SCMH1: variants seen among roughly 807,000 people sequenced by gnomAD.
SCMH1 encodes the protein Scm polycomb group protein homolog 1, also known as polycomb protein SCMH1.
In SCMH1, 37 loss-of-function variants were observed where a neutral mutation model predicts 70.8. The ratio of observed to expected loss-of-function variants is 0.52; its 90% CI spans 0.40 to 0.69. The LOEUF (loss-of-function observed/expected upper bound fraction) is 0.69. SCMH1 is among the 30% of genes least tolerant of loss of function. SCMH1 has a pLI of 0.00. For missense variants in SCMH1, 607 were observed against 827.3 expected (o/e 0.73, Z 3.27); for synonymous variants, 292 against 307.4 (o/e 0.95, Z 0.52).
At chr1:41,091,038 CAA>C (rs71062575) in intron 8 of SCMH1, among the ~76,000 whole-genome samples, 3 of 119,898 alleles carry the variant, frequency 2.5e-5, no homozygotes, top group African/African-American at 6.4e-5. Context: ...GACTCCGTGT[CAA>C]AAAAAAAAAA....
intron 1 of SCMH1, among the ~76,000 whole-genome samples, chr1:41,201,654 T>C (rs938911906): frequency 6.6e-6 from 1 of 152,206 alleles, no homozygotes; most frequent in Admixed American, 6.5e-5. Flanking sequence ...ACAAGGGGCT[T>C]CCAGTGAAAT....
At chr1:41,084,603 T>A (rs1473025477) in intron 8 of SCMH1, among the ~76,000 whole-genome samples, 1 of 152,042 alleles carries the variant, frequency 6.6e-6, no homozygotes, top group African/African-American at 2.4e-5. Flanking sequence ...GAAATACCAT[T>A]TGACCCAGCC....
intron 2 of SCMH1, 187 bp from the exon 3 acceptor site, chr1:41,161,619 C>CA: frequency 1.9e-6 from 1 of 533,160 alleles, no homozygotes. Context: ...TTTACAATAA[C>CA]AAAAAAAGGA....
chr1:41,078,707 A>G (rs905269581), intron 8 of SCMH1, among the ~76,000 whole-genome samples: 1 of 152,198 alleles, frequency 6.6e-6, no homozygotes, highest in African/African-American at 2.4e-5. Flanking sequence ...TTCAGAAATA[A>G]AGGTAAAATA....
chr1:41,099,690 C>T (rs909429958), intron 8 of SCMH1, among the ~76,000 whole-genome samples: 12 of 152,162 alleles, frequency 7.9e-5, no homozygotes, highest in African/African-American at 2.9e-4. Flanking sequence ...AGTACTGTGT[C>T]TGACATGACC....
chr1:41,058,641 A>G (rs1050546746), intron 10 of SCMH1, among the ~76,000 whole-genome samples: 1 of 151,864 alleles, frequency 6.6e-6, no homozygotes, highest in East Asian at 1.9e-4. Context: ...CAGCCTTCCA[A>G]AGTGCTGGGA....
intron 1 of SCMH1, among the ~76,000 whole-genome samples, chr1:41,239,688 T>C (rs1663107698): frequency 1.3e-5 from 2 of 152,202 alleles, no homozygotes; most frequent in Admixed American, 6.5e-5. Context: ...TCACTTGCTA[T>C]GGCGTGATCA....
At chr1:41,169,897 C>T (rs112761170) in intron 2 of SCMH1, among the ~76,000 whole-genome samples, 12 of 151,598 alleles carry the variant, frequency 7.9e-5, no homozygotes, top group Admixed American at 2.0e-4. Flanking sequence ...AGGATGTAGA[C>T]CCTCGGTGGA....
rs1306027223 is a variant in SCMH1, at chr1:41,048,674, G to C, written c.1306+16C>G. On this transcript the variant is annotated intron_variant, in intron 11 of 14. Transcript: ENST00000337495. ...TCCTTCTGGCTGGGAGGCAATATGA[G>C]CCAAAGTGTGCTTACCTGAGATAAC... 2 of 1,612,074 alleles carry C rather than the reference G, an allele frequency of 1.2e-6. No individual in the cohort carries two copies. The highest frequency in any genetic ancestry group is 8.5e-7 in the Non-Finnish European group (1 of 1,179,248).
intron 1 of SCMH1, among the ~76,000 whole-genome samples, chr1:41,219,854 C>T (rs1042291736): frequency 1.3e-5 from 2 of 151,966 alleles, no homozygotes; most frequent in African/African-American, 4.8e-5. Context: ...TCTCTTGAAC[C>T]TGGGAGGCAG....
chr1:41,028,091 G>T, exon 15 of SCMH1: 2 of 1,439,088 alleles, frequency 1.4e-6, no homozygotes, highest in Non-Finnish European at 1.9e-6. Context: ...TCCTGAGGTG[G>T]CCCGGAACCC....
chr1:41,119,556 G>A (rs143492232), intron 6 of SCMH1, among the ~76,000 whole-genome samples: 47 of 152,206 alleles, frequency 3.1e-4, no homozygotes, highest in African/African-American at 1.1e-3. Flanking sequence ...TGCTGTTTAA[G>A]AGCATCAAAT....
intron 8 of SCMH1, among the ~76,000 whole-genome samples, chr1:41,094,079 T>G (rs933077784): frequency 2.0e-5 from 3 of 152,208 alleles, no homozygotes; most frequent in Non-Finnish European, 4.4e-5. Flanking sequence ...GCAACCACAG[T>G]ACATCAGTAC....
intron 7 of SCMH1, among the ~76,000 whole-genome samples, 174 bp downstream of exon 7, chr1:41,116,748 C>T (rs1481400973): frequency 6.7e-6 from 1 of 149,194 alleles, no homozygotes; most frequent in Admixed American, 7.0e-5. Context: ...TCTATGGGAC[C>T]TTATAGTCTA....
chr1:41,169,772 G>C (rs746995389), intron 2 of SCMH1, among the ~76,000 whole-genome samples: 1 of 152,238 alleles, frequency 6.6e-6, no homozygotes, highest in African/African-American at 2.4e-5. Flanking sequence ...ACTTCTCCTG[G>C]GGAATAAAGT....
intron 8 of SCMH1, among the ~76,000 whole-genome samples, chr1:41,092,448 A>G (rs1480419907): frequency 6.6e-6 from 1 of 152,364 alleles, no homozygotes; most frequent in Non-Finnish European, 1.5e-5. Context: ...AATACCATTC[A>G]GGACATAGGC....
intron 1 of SCMH1, among the ~76,000 whole-genome samples, chr1:41,209,731 C>T (rs979722559): frequency 4.6e-5 from 7 of 152,220 alleles, no homozygotes; most frequent in Non-Finnish European, 1.0e-4. Flanking sequence ...ATAATAAGAG[C>T]TATTTATGAC....
intron 1 of SCMH1, among the ~76,000 whole-genome samples, chr1:41,195,130 T>TG: frequency 3.2e-5 from 1 of 31,598 alleles, no homozygotes; most frequent in African/African-American, 1.5e-4. Flanking sequence ...AAACTCTCTC[T>TG]CAAAAAAAAA....
intron 2 of SCMH1, among the ~76,000 whole-genome samples, chr1:41,184,965 GTAAAGATTATGTCTTA>G (rs1420893424): frequency 6.6e-6 from 1 of 152,158 alleles, no homozygotes; most frequent in East Asian, 1.9e-4. Context: ...CTATTTGTCA[GTAAAGATTATGTCTTA>G]TTCTCCTTAC....
Sources: allele counts gnomAD v4.1 joint callset (sites outside exome capture counted in the v4.1 genomes callset), GRCh38; gene constraint gnomAD v4.1.1; transcripts MANE v1.5; gene names NCBI Gene and HGNC (gene_info 2026-07-23, HGNC 2026-07-21).